HDAC9: variants seen among roughly 807,000 people sequenced by gnomAD.
HDAC9 encodes the protein histone deacetylase 9.
HDAC9 carries 41 observed loss-of-function variants against 139.4 expected under a neutral mutation model. The observed-to-expected ratio is 0.29, with a 90% CI of 0.23 to 0.38. The LOEUF is 0.38. HDAC9 is among the 10% of genes least tolerant of loss of function. The pLI is 1.00. For missense variants in HDAC9, 1,147 were observed against 1,297.0 expected, an observed-to-expected ratio of 0.88 and a Z score of 1.78; for synonymous variants, 517 against 476.2, an observed-to-expected ratio of 1.09 and a Z score of -1.12.
chr7:18,412,803 G>A lies in HDAC9; in HGVS notation c.-41-83459G>A, dbSNP rs529821163. Among the ~76,000 whole-genome samples the A allele has an allele frequency of 3.2e-4, 48 of 152,234 alleles. No homozygotes were observed. The Middle Eastern group carries it at 0.01, about 32-fold the overall frequency. ...TATGTAAAAATTAGAAGAAAAGGCCGTCTAGCAAAGGAAGACTCTTCATCT... is the reference window on the plus strand; with the variant it reads ...TATGTAAAAATTAGAAGAAAAGGCCATCTAGCAAAGGAAGACTCTTCATCT... On this transcript the variant is annotated intron_variant, in intron 1 of 3. Transcript: ENST00000413509.
At chr7:18,290,202 G>A (rs1444352609), upstream of HDAC9, 2 of 272,654 alleles carry the variant, frequency 7.3e-6, no homozygotes, top group Non-Finnish European at 1.5e-5. Context: ...CTTATTAATA[G>A]TAATAAAATG....
chr7:18,246,544 C>T (rs1226381303), intron 2 of HDAC9, among the ~76,000 whole-genome samples: 1 of 151,960 alleles, frequency 6.6e-6, no homozygotes. Flanking sequence ...CCCGGAAATT[C>T]CTAATCTTCT....
chr7:18,648,832 C>A, intron 11 of HDAC9, 149 bp downstream of exon 11: 1 of 676,066 alleles, frequency 1.5e-6, no homozygotes, highest in Non-Finnish European at 2.5e-6. Context: ...GGCTCAAGGA[C>A]ACCATCACAA....
At chr7:18,259,489 A>C (rs1795505905) in intron 2 of HDAC9, among the ~76,000 whole-genome samples, 1 of 152,120 alleles carries the variant, frequency 6.6e-6, no homozygotes. Context: ...CAGCCTCCTG[A>C]GTAGCTGGGA....
chr7:18,779,785 AG>A, intron 16 of HDAC9, among the ~76,000 whole-genome samples: 1 of 151,998 alleles, frequency 6.6e-6, no homozygotes, highest in Admixed American at 6.6e-5. Context: ...AGGTCTGCAG[AG>A]GGTAAACAGA....
intron 3 of HDAC9, among the ~76,000 whole-genome samples, chr7:18,589,110 T>C (rs1266232324): frequency 6.6e-6 from 1 of 152,180 alleles, no homozygotes; most frequent in African/African-American, 2.4e-5. Flanking sequence ...TATCTACTAA[T>C]GTCAGAACCT....
chr7:18,546,446 G>A (rs1405833190), intron 2 of HDAC9, among the ~76,000 whole-genome samples: 1 of 152,074 alleles, frequency 6.6e-6, no homozygotes, highest in Non-Finnish European at 1.5e-5. Context: ...CTAGTTAGCT[G>A]ATGACAAGTA....
intron 25 of HDAC9, among the ~76,000 whole-genome samples, chr7:18,979,228 TA>T (rs1317264503): frequency 1.3e-5 from 2 of 152,168 alleles, no homozygotes; most frequent in Non-Finnish European, 2.9e-5. Context: ...AATAATCAGC[TA>T]AATCCAAGTA....
intron 12 of HDAC9, among the ~76,000 whole-genome samples, chr7:18,700,720 T>C (rs2129104408): frequency 6.6e-6 from 1 of 152,294 alleles, no homozygotes; most frequent in East Asian, 1.9e-4. Flanking sequence ...TGGGAAAGCT[T>C]GCCTGGCTGA....
At chr7:18,267,714 C>T (rs1481133396) in intron 2 of HDAC9, among the ~76,000 whole-genome samples, 1 of 152,100 alleles carries the variant, frequency 6.6e-6, no homozygotes, top group African/African-American at 2.4e-5. Flanking sequence ...CACTTAGTTT[C>T]ATTTCATACT....
chr7:18,314,783 T>G (rs1799528793), intron 1 of HDAC9, among the ~76,000 whole-genome samples: 1 of 152,230 alleles, frequency 6.6e-6, no homozygotes, highest in Admixed American at 6.5e-5. Flanking sequence ...AAAATAGGTT[T>G]AGTAATATTT....
chr7:18,202,432 A>G, intron 2 of HDAC9, among the ~76,000 whole-genome samples: 1 of 152,228 alleles, frequency 6.6e-6, no homozygotes, highest in African/African-American at 2.4e-5. Context: ...TTGCACAGAC[A>G]CTTGTACTTA....
intron 2 of HDAC9, among the ~76,000 whole-genome samples, chr7:18,551,223 G>A (rs761408851): frequency 5.3e-5 from 8 of 152,304 alleles, no homozygotes; most frequent in Admixed American, 2.0e-4. Context: ...GAGGGGGAAT[G>A]TCAGGAGATC....
At chr7:18,631,193 G>T (rs555567792) in intron 7 of HDAC9, among the ~76,000 whole-genome samples, 1 of 152,100 alleles carries the variant, frequency 6.6e-6, no homozygotes, top group East Asian at 1.9e-4. Flanking sequence ...AGTTTTACTC[G>T]AATTTCCTTA....
intron 22 of HDAC9, among the ~76,000 whole-genome samples, chr7:18,885,281 T>A (rs962380523): frequency 6.6e-6 from 1 of 152,208 alleles, no homozygotes. Context: ...AAAGGGAACA[T>A]TAATTTCATC....
At chr7:18,519,842 CTAACTA>C (rs1403166663) in intron 2 of HDAC9, among the ~76,000 whole-genome samples, 1 of 152,010 alleles carries the variant, frequency 6.6e-6, no homozygotes, top group Non-Finnish European at 1.5e-5. Context: ...TGAGGGCAAT[CTAACTA>C]TAAGTCAATA....
At chr7:18,991,366 CACA>C (rs1563113916) in intron 25 of HDAC9, among the ~76,000 whole-genome samples, 121 of 152,268 alleles carry the variant, frequency 7.9e-4, no homozygotes, top group African/African-American at 2.8e-3. Context: ...TCAGGCTGGG[CACA>C]GTGGCTCATG....
At chr7:18,464,971 G>A (rs956355781) in intron 1 of HDAC9, among the ~76,000 whole-genome samples, 1 of 151,870 alleles carries the variant, frequency 6.6e-6, no homozygotes, top group African/African-American at 2.4e-5. Flanking sequence ...TTCTTATCCT[G>A]TATCTTATCC....
intron 17 of HDAC9, among the ~76,000 whole-genome samples, chr7:18,827,004 G>A (rs1795497526): frequency 6.6e-6 from 1 of 151,724 alleles, no homozygotes; most frequent in South Asian, 2.1e-4. Context: ...TGTAATCCCA[G>A]CACTTTGGGA....
Sources: allele counts gnomAD v4.1 joint callset (sites outside exome capture counted in the v4.1 genomes callset), GRCh38; gene constraint gnomAD v4.1.1; transcripts MANE v1.5; gene names NCBI Gene and HGNC (gene_info 2026-07-23, HGNC 2026-07-21).